Variants in PPP6R1 observed in about 807,000 individuals in gnomAD.
The protein encoded by PPP6R1 is protein phosphatase 6 regulatory subunit 1.
Under a neutral mutation model 104.6 loss-of-function variants are expected in PPP6R1, and 39 were observed. That is an observed-to-expected ratio of 0.37 (90% CI 0.29 to 0.49). PPP6R1 has a LOEUF of 0.49. Among genes scored for constraint, PPP6R1 ranks in the 20% least tolerant of loss-of-function variants. PPP6R1 has a pLI of 0.98. For synonymous variants in PPP6R1, 549 were observed against 479.0 expected, an observed-to-expected ratio of 1.15 and a Z score of -1.91; for missense variants, 1,181 against 1,155.8, an observed-to-expected ratio of 1.02 and a Z score of -0.32.
In PPP6R1 at chr19:55,231,593, C is replaced by T; in HGVS notation, c.2377+5G>A. The stretch of plus-strand genomic sequence containing the variant: ...CGCGGGTGGGCAGGGCAAAGCGGGG[C>T]TCACCTGAGGGCTCCGTGACTTTGC... On this transcript the variant is annotated splice_donor_5th_base_variant and intron_variant, in intron 20 of 23. Coordinates refer to ENST00000412770, the MANE Select transcript of PPP6R1 (RefSeq NM_014931.4). 6.2e-7 allele frequency: 1 copy of T among 1,609,678 alleles called. No individual in the cohort carries two copies. Among genetic ancestry groups the T allele is most frequent in the Non-Finnish European group, 8.5e-7 (1 of 1,178,100 alleles).
intron 17 of PPP6R1, among the ~76,000 whole-genome samples, chr19:55,235,466 G>A (rs1038694647): frequency 2.0e-5 from 3 of 151,894 alleles, no homozygotes; most frequent in Non-Finnish European, 4.4e-5. Flanking sequence ...TATTTTTTCA[G>A]CCACAGAGAT....
chr19:55,254,192 C>A (rs548652931), intron 1 of PPP6R1, among the ~76,000 whole-genome samples: 2 of 152,350 alleles, frequency 1.3e-5, no homozygotes, highest in East Asian at 1.9e-4. Flanking sequence ...ACCCCGCCAC[C>A]CCCATTCTTT....
intron 1 of PPP6R1, among the ~76,000 whole-genome samples, chr19:55,254,963 A>G (rs565173900): frequency 1.3e-5 from 2 of 152,336 alleles, no homozygotes; most frequent in South Asian, 4.1e-4. Context: ...GGCATCACCC[A>G]CCCAGCAAGG....
chr19:55,228,604 C>G (rs2087308362), downstream of PPP6R1: 2 of 1,539,504 alleles, frequency 1.3e-6, no homozygotes, highest in Non-Finnish European at 1.8e-6. Flanking sequence ...CCAACCAACT[C>G]AAGGACAGCA....
intron 21 of PPP6R1, 48 bp downstream of exon 21, chr19:55,231,362 G>C (rs900962667): frequency 4.6e-6 from 7 of 1,524,536 alleles, no homozygotes; most frequent in African/African-American, 2.8e-5. Flanking sequence ...TCAGCGAAGA[G>C]GAGAAAAGAC....
At chr19:55,246,532 T>G (rs2087510063) in intron 2 of PPP6R1, among the ~76,000 whole-genome samples, 1 of 150,224 alleles carries the variant, frequency 6.7e-6, no homozygotes, top group South Asian at 2.1e-4. Context: ...AAAAAGTAAA[T>G]AAAATAAAAG....
intron 1 of PPP6R1, among the ~76,000 whole-genome samples, chr19:55,256,832 A>C (rs556758384): frequency 5.0e-4 from 76 of 152,324 alleles, no homozygotes; most frequent in African/African-American, 1.6e-3. Context: ...CATCAACATC[A>C]AAACAGCTAC....
chr19:55,231,778 T>G, intron 19 of PPP6R1, 24 bp downstream of exon 19: 2 of 1,493,216 alleles, frequency 1.3e-6, no homozygotes, highest in Non-Finnish European at 1.8e-6. Flanking sequence ...CAGCACCATT[T>G]AGCCCGTTCC....
chr19:55,232,197 G>C lies in PPP6R1; in HGVS notation c.2003C>G (p.Thr668Arg). 1 of 1,552,362 alleles carries C rather than the reference G, an allele frequency of 6.4e-7. No homozygotes were observed. The change falls in exon 18 of 24, where the codon ACA (threonine) becomes AGA (arginine). Residue 668 changes from threonine to arginine, a missense_variant. Thr to Arg is a moderately conservative substitution (Grantham distance 71). Around this residue, in one of 2 missense-constraint regions of PPP6R1, gnomAD observed 1,042 missense variants for 955.6 expected, o/e 1.09. Transcript: ENST00000412770. ...CTCCTCTTCTTCGTCCTCACTGTCT[G>C]TGCTGCCTCCACTCCTGCCCCAGAA... The part of the protein sequence containing the change: ...QPPGVRSGGS[T>R]DSEDEEEEDE...
At chr19:55,250,767 T>G (rs2087546732) in intron 1 of PPP6R1, among the ~76,000 whole-genome samples, 1 of 151,836 alleles carries the variant, frequency 6.6e-6, no homozygotes, top group African/African-American at 2.4e-5. Context: ...CAGGCACCGC[T>G]GACCTCCCCA....
At chr19:55,246,129 G>A (rs1416601233) in intron 2 of PPP6R1, among the ~76,000 whole-genome samples, 2 of 152,124 alleles carry the variant, frequency 1.3e-5, no homozygotes, top group Non-Finnish European at 2.9e-5. Context: ...CCCCACCAGC[G>A]TGCCACTCAA....
At chr19:55,255,383 T>C (rs1419678384) in intron 1 of PPP6R1, among the ~76,000 whole-genome samples, 1 of 152,276 alleles carries the variant, frequency 6.6e-6, no homozygotes, top group East Asian at 1.9e-4. Context: ...TACAGTGTGA[T>C]CCAAAGTCAG....
At chr19:55,242,674 A>G (rs562353508) in intron 5 of PPP6R1, 186 bp from the exon 6 acceptor site, 4 of 600,140 alleles carry the variant, frequency 6.7e-6, no homozygotes, top group Non-Finnish European at 1.2e-5. Context: ...TGGAGAGAAC[A>G]GGAAGCCCGG....
rs1273110299 is a variant in PPP6R1 at position 55,258,958 on chromosome 19, G to GCTCTGCGGCCGGC, written c.-543_-531dup. ...TTCCCCAAAGCCGCTCAATCTCCGG[G>GCTCTGCGGCCGGC]CTCTGCGGCCGGCCTCAGGGCCTCC... On this transcript the variant is annotated 5_prime_UTR_variant, in exon 1 of 24. Transcript: ENST00000412770. 4 of 152,282 alleles carry GCTCTGCGGCCGGC rather than the reference G, an allele frequency of 2.6e-5. No individual in the cohort carries two copies. The East Asian group carries it at 7.7e-4, about 30-fold the overall frequency. 9.4% of individuals were successfully genotyped at this position (152,282 alleles called of 1,614,324 possible).
intron 17 of PPP6R1, chr19:55,232,532 C>A: frequency 3.1e-6 from 1 of 327,116 alleles, no homozygotes; most frequent in Non-Finnish European, 5.7e-6. Context: ...GACCCACTCA[C>A]CAGCTCTCAA....
chr19:55,252,218 T>C (rs887732464), intron 1 of PPP6R1, among the ~76,000 whole-genome samples: 2 of 152,182 alleles, frequency 1.3e-5, no homozygotes, highest in Non-Finnish European at 2.9e-5. Flanking sequence ...AACCACTGAA[T>C]TGTACCCTTT....
chr19:55,245,034 A>G lies in PPP6R1; in HGVS notation c.618+86T>C, dbSNP rs1226987832. The G allele has an allele frequency of 6.5e-7, 1 of 1,542,290 alleles. No individual in the cohort carries two copies. Among genetic ancestry groups the G allele is most frequent in the African/African-American group, 1.4e-5 (1 of 73,298 alleles). On this transcript the variant is annotated intron_variant, in intron 5 of 23. Coordinates refer to ENST00000412770, the MANE Select transcript of PPP6R1 (RefSeq NM_014931.4). This position sits in a 1 kb window ranked among gnomAD's most constrained non-coding sequence, Gnocchi z 6.4. ...ATTACAGGCGTGAGCCACTGCGTCC[A>G]GCCCCAATTCCTCTTTTAAAAGTGG...
Position 55,240,622 on chromosome 19 carries a change from CACAT to C in PPP6R1, c.1296+319_1296+322del, listed in dbSNP as rs796194991. 4.6e-3 allele frequency among the ~76,000 whole-genome samples: 672 copies of C among 145,110 alleles called. 5 individuals are homozygous for C. The highest frequency in any genetic ancestry group is 0.016 in the African/African-American group (623 of 39,542). ...GTTCACATACTCGTGTGCACTCACA[CACAT>C]ACATGCTCTCACACACGCTTGCACT... On this transcript the variant is annotated intron_variant, in intron 10 of 23. Coordinates refer to ENST00000412770, the MANE Select transcript of PPP6R1 (RefSeq NM_014931.4).
chr19:55,228,692 T>C, downstream of PPP6R1: 1 of 1,612,634 alleles, frequency 6.2e-7, no homozygotes, highest in Non-Finnish European at 8.5e-7. Flanking sequence ...GGCTCTCACC[T>C]GGGCTGAGCA....
Sources: allele counts gnomAD v4.1 joint callset (sites outside exome capture counted in the v4.1 genomes callset), GRCh38; gene constraint gnomAD v4.1.1; regional missense constraint gnomAD v4.1.1; non-coding constraint Gnocchi (gnomAD v3.1); transcripts MANE v1.5; gene names NCBI Gene and HGNC (gene_info 2026-07-23, HGNC 2026-07-21).